Variants in GUCY1A1 observed in about 807,000 individuals in gnomAD.
GUCY1A1 encodes the protein guanylate cyclase 1 soluble subunit alpha 1.
In GUCY1A1, 48 loss-of-function variants were observed where a neutral mutation model predicts 64.5. The observed-to-expected ratio is 0.74, with a 90% confidence interval of 0.59 to 0.95. The LOEUF is 0.95. GUCY1A1 is among the 40% of genes least tolerant of loss of function. The pLI, the probability that GUCY1A1 is intolerant of heterozygous loss-of-function variation, is 0.00. For synonymous variants in GUCY1A1, 308 were observed against 303.4 expected, an observed-to-expected ratio of 1.02 and a Z score of -0.16; for missense variants, 804 against 825.3, an observed-to-expected ratio of 0.97 and a Z score of 0.32.
chr4:155,693,246 T>C (rs1729990792), intron 2 of GUCY1A1, among the ~76,000 whole-genome samples: 1 of 152,184 alleles, frequency 6.6e-6, no homozygotes, highest in African/African-American at 2.4e-5. Context: ...TAAGTTTATT[T>C]GGAGGCTGTT....
chr4:155,686,874 A>G (rs1330060042), intron 2 of GUCY1A1, among the ~76,000 whole-genome samples: 2 of 152,234 alleles, frequency 1.3e-5, no homozygotes, highest in East Asian at 1.9e-4. Context: ...TAGATAAGAT[A>G]AAACCAAAAT....
intron 3 of GUCY1A1, among the ~76,000 whole-genome samples, chr4:155,697,987 T>A (rs114092782): frequency 1.3e-3 from 204 of 152,310 alleles, no homozygotes; most frequent in African/African-American, 4.8e-3. Context: ...GCTAACATAA[T>A]ACATTGATAA....
intron 9 of GUCY1A1, among the ~76,000 whole-genome samples, chr4:155,723,422 A>C (rs1734228222): frequency 6.6e-6 from 1 of 152,104 alleles, no homozygotes; most frequent in Admixed American, 6.6e-5. Flanking sequence ...TTTTGTTATC[A>C]CTTATCCACC....
intron 3 of GUCY1A1, among the ~76,000 whole-genome samples, chr4:155,701,760 C>T (rs1198317543): frequency 6.7e-6 from 1 of 149,742 alleles, no homozygotes; most frequent in Non-Finnish European, 1.5e-5. Context: ...ACTGTGATCA[C>T]CACTGCACTC....
intron 2 of GUCY1A1, among the ~76,000 whole-genome samples, chr4:155,689,773 G>A (rs1010852095): frequency 7.9e-5 from 12 of 152,228 alleles, no homozygotes; most frequent in African/African-American, 1.9e-4. Context: ...TTATCAAGGC[G>A]GTTGCCACCC....
At chr4:155,720,879 C>G (rs1000944338) in intron 8 of GUCY1A1, among the ~76,000 whole-genome samples, 1 of 152,150 alleles carries the variant, frequency 6.6e-6, no homozygotes, top group Non-Finnish European at 1.5e-5. Context: ...AATATCTCCA[C>G]TTTAGCTTGT....
intron 9 of GUCY1A1, 81 bp downstream of exon 9, chr4:155,722,273 C>A: frequency 1.3e-6 from 2 of 1,519,888 alleles, no homozygotes; most frequent in South Asian, 2.6e-5. Flanking sequence ...TTGATTCATT[C>A]TTCATAACTT....
rs990488856 is a variant in GUCY1A1, at chr4:155,723,905, T to C, written c.1871+1713T>C. Among the ~76,000 whole-genome samples, 7 of 152,044 alleles carry C rather than the reference T, an allele frequency of 4.6e-5. No homozygotes were observed. The South Asian group carries it at 1.4e-3, about 31-fold the overall frequency. On this transcript the variant is annotated intron_variant, in intron 9 of 9. Coordinates refer to ENST00000506455, the MANE Select transcript of GUCY1A1 (RefSeq NM_001130682.3). The stretch of plus-strand genomic sequence containing the variant: ...CTCGAACTCCTGACCTCAAGTGATC[T>C]GCCCACCTTGGCCTCCCAAAGTGTA...
intron 7 of GUCY1A1, among the ~76,000 whole-genome samples, chr4:155,716,527 C>T (rs2126899190): frequency 6.6e-6 from 1 of 152,174 alleles, no homozygotes; most frequent in Admixed American, 6.5e-5. Context: ...GCTTGATTTC[C>T]AGTGGTCTTT....
intron 2 of GUCY1A1, among the ~76,000 whole-genome samples, chr4:155,694,243 G>T (rs1730135375): frequency 6.6e-6 from 1 of 152,012 alleles, no homozygotes; most frequent in East Asian, 1.9e-4. Flanking sequence ...CTTTGAAGTT[G>T]TTCAAAAACT....
At position 155,736,433 on chromosome 4, in the gene GUCY1A1, T is replaced by A. The variant is rs558411907; in HGVS notation, c.*6202T>A. ...CATGTACTGCCAGAGCTTGGGGAAC[T>A]CCCTAGAATCTACTCCTAGACCACC... is the stretch of plus-strand genomic sequence containing the variant. On this transcript the variant is annotated 3_prime_UTR_variant, in exon 10 of 10. Transcript: ENST00000506455. 40 of 152,030 alleles carry A rather than the reference T, an allele frequency of 2.6e-4. No individual in the cohort carries two copies. The highest frequency in any genetic ancestry group is 9.6e-4 in the African/African-American group (40 of 41,514). The allele number at this position is 152,030 out of a possible 1,614,324, so 9.4% of individuals were successfully genotyped here.
intron 2 of GUCY1A1, among the ~76,000 whole-genome samples, chr4:155,669,425 T>C (rs939202494): frequency 2.6e-5 from 4 of 152,128 alleles, no homozygotes; most frequent in African/African-American, 9.6e-5. Context: ...GATATTCAGG[T>C]ATTAAATAAC....
At chr4:155,685,603 GTTTT>G (rs70954055) in intron 2 of GUCY1A1, among the ~76,000 whole-genome samples, 8 of 108,902 alleles carry the variant, frequency 7.3e-5, no homozygotes, top group East Asian at 3.4e-4. Flanking sequence ...TTCTCCTTGT[GTTTT>G]TTTTTTTTTT....
At chr4:155,720,606 A>T (rs1439416158) in intron 8 of GUCY1A1, among the ~76,000 whole-genome samples, 1 of 152,156 alleles carries the variant, frequency 6.6e-6, no homozygotes, top group Non-Finnish European at 1.5e-5. Flanking sequence ...AAAGTTCCTG[A>T]TTCACAGTCT....
At chr4:155,686,216 C>T (rs1728981062) in intron 2 of GUCY1A1, among the ~76,000 whole-genome samples, 1 of 152,202 alleles carries the variant, frequency 6.6e-6, no homozygotes, top group African/African-American at 2.4e-5. Context: ...TGGCTCATAC[C>T]TGTAATCCCA....
At chr4:155,714,167 G>C (rs1038557574) in intron 7 of GUCY1A1, among the ~76,000 whole-genome samples, 1 of 152,160 alleles carries the variant, frequency 6.6e-6, no homozygotes, top group Non-Finnish European at 1.5e-5. Flanking sequence ...GAAAAAGAAA[G>C]ACCTATCTTC....
At chr4:155,713,714 G>T in intron 7 of GUCY1A1, 131 bp downstream of exon 7, 1 of 894,588 alleles carries the variant, frequency 1.1e-6, no homozygotes, top group Non-Finnish European at 1.7e-6. Context: ...AGTCCTGGGA[G>T]CAGGTATGGT....
Position 155,736,266 on chromosome 4 carries a change from A to G in GUCY1A1, c.*6035A>G, listed in dbSNP as rs1736046722. On this transcript the variant is annotated 3_prime_UTR_variant, in exon 10 of 10. Transcript: ENST00000506455. The stretch of plus-strand genomic sequence containing the variant: ...AGAAATTCTAGTATTTTCTTCACCT[A>G]CCCCAGTGAATCATCTTTATATTTT... The G allele has an allele frequency of 6.6e-6, 1 of 151,916 alleles. No individual in the cohort carries two copies. The highest frequency in any genetic ancestry group is 1.5e-5 in the Non-Finnish European group (1 of 67,932). 9.4% of individuals were successfully genotyped at this position (151,916 alleles called of 1,614,324 possible). A position where few individuals can be genotyped will look rare whatever the true frequency, so the allele number is the denominator to read the frequency against.
At chr4:155,707,988 G>A (rs1029395676) in intron 4 of GUCY1A1, among the ~76,000 whole-genome samples, 10 of 151,848 alleles carry the variant, frequency 6.6e-5, no homozygotes, top group Non-Finnish European at 1.2e-4. Flanking sequence ...ATAGGCACAC[G>A]CCACCATGCC....
Sources: gnomAD v4.1 joint callset for allele counts (sites outside exome capture counted in the v4.1 genomes callset) on GRCh38, gnomAD v4.1.1 for gene constraint, MANE v1.5 for transcripts, NCBI Gene and HGNC (gene_info 2026-07-23, HGNC 2026-07-21) for gene names.